Variants in WDPCP observed in about 807,000 individuals in gnomAD.
WDPCP encodes the protein WD repeat containing planar cell polarity effector.
Under a neutral mutation model 93.1 loss-of-function variants are expected in WDPCP, and 71 were observed. The observed-to-expected ratio is 0.76, with a 90% CI of 0.63 to 0.93. The LOEUF (loss-of-function observed/expected upper bound fraction) is 0.93, where lower values mean the gene tolerates loss of function less well. Among genes scored for constraint, WDPCP ranks in the 40% least tolerant of loss-of-function variants. The pLI is 0.00. For missense variants in WDPCP, 844 were observed against 887.4 expected (o/e 0.95, Z 0.62); for synonymous variants, 315 against 315.0 (o/e 1.00, Z 0.00).
At chr2:63,216,605 T>C (rs1436257140) in intron 14 of WDPCP, among the ~76,000 whole-genome samples, 1 of 151,970 alleles carries the variant, frequency 6.6e-6, no homozygotes, top group East Asian at 1.9e-4. Flanking sequence ...ACATACCTAA[T>C]GTAAATGATG....
intron 2 of WDPCP, among the ~76,000 whole-genome samples, chr2:63,760,090 C>A (rs566910065): frequency 6.6e-6 from 1 of 152,270 alleles, no homozygotes; most frequent in Non-Finnish European, 1.5e-5. Context: ...TGTGAATGAG[C>A]CTGGGCTCCA....
intron 13 of WDPCP, among the ~76,000 whole-genome samples, chr2:63,312,096 C>T (rs1160877126): frequency 6.6e-6 from 1 of 152,104 alleles, no homozygotes; most frequent in East Asian, 1.9e-4. Context: ...AATCTTCCCT[C>T]AATGTCATAT....
chr2:63,526,005 G>C (rs1369322258), intron 1 of WDPCP, among the ~76,000 whole-genome samples: 1 of 152,062 alleles, frequency 6.6e-6, no homozygotes, highest in Non-Finnish European at 1.5e-5. Context: ...ATGTATGTAC[G>C]GCTTTTGAAT....
intron 14 of WDPCP, among the ~76,000 whole-genome samples, chr2:63,184,028 G>C (rs1674443422): frequency 6.6e-6 from 1 of 151,970 alleles, no homozygotes; most frequent in African/African-American, 2.4e-5. Context: ...CCAATATGGG[G>C]AGTTTCTTAT....
chr2:63,621,010 G>A (rs925732062), intron 3 of WDPCP, among the ~76,000 whole-genome samples: 5 of 152,128 alleles, frequency 3.3e-5, no homozygotes, highest in African/African-American at 1.2e-4. Flanking sequence ...AACCCCATCC[G>A]AAGGTCACCA....
At chr2:63,630,709 A>C (rs1189984525) in intron 3 of WDPCP, among the ~76,000 whole-genome samples, 1 of 152,240 alleles carries the variant, frequency 6.6e-6, no homozygotes, top group Non-Finnish European at 1.5e-5. Flanking sequence ...CAATGGATAG[A>C]TCAATGAGAC....
chr2:63,706,394 T>C (rs143200424), intron 2 of WDPCP, among the ~76,000 whole-genome samples: 27,610 of 152,110 alleles, frequency 0.18, 2,743 homozygotes, highest in Middle Eastern at 0.27. Context: ...CTAGTCTTGA[T>C]GGTCTTTACA....
chr2:63,265,880 T>C (rs1377976073), intron 13 of WDPCP, among the ~76,000 whole-genome samples: 1 of 152,168 alleles, frequency 6.6e-6, no homozygotes, highest in Admixed American at 6.5e-5. Context: ...ATAAGTGTGA[T>C]ACAGTGTATT....
intron 15 of WDPCP, among the ~76,000 whole-genome samples, chr2:63,170,254 A>AT (rs1331120125): frequency 5.2e-5 from 7 of 135,218 alleles, no homozygotes; most frequent in African/African-American, 1.9e-4. Context: ...TCTATTTTCC[A>AT]TTTTTTTCTT....
intron 16 of WDPCP, 127 bp downstream of exon 16, chr2:63,153,368 G>GC (rs927348103): frequency 1.6e-6 from 1 of 626,488 alleles, no homozygotes; most frequent in African/African-American, 1.9e-5. Flanking sequence ...TCAATGACAA[G>GC]CAGTCTTATA....
intron 14 of WDPCP, among the ~76,000 whole-genome samples, chr2:63,181,115 T>A (rs1462909996): frequency 6.6e-6 from 1 of 152,178 alleles, no homozygotes; most frequent in East Asian, 1.9e-4. Flanking sequence ...CCTTGTTGTA[T>A]GCATAGTTTG....
At chr2:63,291,934 C>T (rs1170021503) in intron 13 of WDPCP, among the ~76,000 whole-genome samples, 3 of 151,402 alleles carry the variant, frequency 2.0e-5, no homozygotes, top group East Asian at 3.9e-4. Flanking sequence ...GAGATCGAGA[C>T]CATTCTGGCC....
chr2:63,420,534 CAAAAAAAAA>C (rs11287367), intron 9 of WDPCP, among the ~76,000 whole-genome samples: 2 of 123,270 alleles, frequency 1.6e-5, no homozygotes, highest in African/African-American at 3.0e-5. Flanking sequence ...AACTCCATCT[CAAAAAAAAA>C]AAAAAAGAAT....
chr2:63,630,130 A>AG (rs1224795752), intron 3 of WDPCP, among the ~76,000 whole-genome samples: 1 of 152,234 alleles, frequency 6.6e-6, no homozygotes, highest in African/African-American at 2.4e-5. Flanking sequence ...AAAAATTATA[A>AG]CAAAAAGATA....
At chr2:63,435,467 A>G (rs1248752252) in intron 8 of WDPCP, among the ~76,000 whole-genome samples, 1 of 152,164 alleles carries the variant, frequency 6.6e-6, no homozygotes, top group African/African-American at 2.4e-5. Context: ...AAATACCACG[A>G]TGAAATTGCT....
intron 3 of WDPCP, among the ~76,000 whole-genome samples, chr2:63,619,757 G>C (rs1709712064): frequency 6.6e-6 from 1 of 152,202 alleles, no homozygotes; most frequent in African/African-American, 2.4e-5. Context: ...AACAGCTCTG[G>C]TCTGCAGCTC....
intron 2 of WDPCP, among the ~76,000 whole-genome samples, chr2:63,731,633 T>G (rs957075644): frequency 6.6e-6 from 1 of 152,210 alleles, no homozygotes; most frequent in Admixed American, 6.5e-5. Context: ...AAAATAAATA[T>G]TTTAAAAATC....
At chr2:63,300,164 G>A (rs923404224) in intron 13 of WDPCP, among the ~76,000 whole-genome samples, 6 of 152,000 alleles carry the variant, frequency 3.9e-5, no homozygotes, top group African/African-American at 4.8e-5. Context: ...CTTCCTCTAC[G>A]GAGGAAGCTG....
At chr2:63,415,947 G>A (rs1258563921) in intron 9 of WDPCP, among the ~76,000 whole-genome samples, 1 of 151,912 alleles carries the variant, frequency 6.6e-6, no homozygotes, top group South Asian at 2.1e-4. Context: ...GGAAGGGGAA[G>A]TTCTTAATAA....
Sources: gnomAD v4.1 joint callset for allele counts (sites outside exome capture counted in the v4.1 genomes callset) on GRCh38, gnomAD v4.1.1 for gene constraint, MANE v1.5 for transcripts, NCBI Gene and HGNC (gene_info 2026-07-23, HGNC 2026-07-21) for gene names.